Variants in GPC5 observed in about 807,000 individuals in gnomAD.
The protein encoded by GPC5 is glypican-5.
In GPC5, 47 loss-of-function variants were observed where a neutral mutation model predicts 53.9. That is an observed-to-expected ratio of 0.87 (90% confidence interval 0.69 to 1.11). The LOEUF is 1.11. Ranked by LOEUF, GPC5 falls within the 50% of genes most tolerant of loss-of-function variation. The pLI, the probability that GPC5 is intolerant of heterozygous loss-of-function variation, is 0.00. For missense variants in GPC5, 748 were observed against 713.1 expected, an observed-to-expected ratio of 1.05 and a Z score of -0.56; for synonymous variants, 286 against 263.3, an observed-to-expected ratio of 1.09 and a Z score of -0.84.
At chr13:92,372,224 G>A (rs1204783652) in intron 7 of GPC5, among the ~76,000 whole-genome samples, 1 of 152,146 alleles carries the variant, frequency 6.6e-6, no homozygotes, top group African/African-American at 2.4e-5. Context: ...GTTTTAAGAG[G>A]CTAAATTTTT....
At chr13:91,689,099 G>T (rs1489114624) in intron 2 of GPC5, among the ~76,000 whole-genome samples, 2 of 148,606 alleles carry the variant, frequency 1.3e-5, no homozygotes, top group South Asian at 2.1e-4. Flanking sequence ...AGCACAGAAG[G>T]TTTAGGCTAC....
intron 6 of GPC5, among the ~76,000 whole-genome samples, chr13:92,004,217 T>C (rs569821834): frequency 1.1e-4 from 17 of 151,672 alleles, no homozygotes; most frequent in African/African-American, 3.6e-4. Flanking sequence ...GAGGCTGAGG[T>C]AGGTGGATCA....
intron 7 of GPC5, among the ~76,000 whole-genome samples, chr13:92,194,259 G>A (rs2042242724): frequency 6.6e-6 from 1 of 152,140 alleles, no homozygotes; most frequent in South Asian, 2.1e-4. Flanking sequence ...AGTTCATCCT[G>A]TGTGCTTGGG....
intron 7 of GPC5, among the ~76,000 whole-genome samples, chr13:92,811,202 T>C (rs1877287596): frequency 1.3e-5 from 2 of 151,974 alleles, no homozygotes; most frequent in Admixed American, 1.3e-4. Context: ...CATACAAGTA[T>C]TTTGTTTCAT....
chr13:92,161,586 G>A (rs111551662), intron 7 of GPC5, among the ~76,000 whole-genome samples: 1,832 of 152,156 alleles, frequency 0.012, 54 homozygotes, highest in African/African-American at 0.041. Context: ...GATAAGTATA[G>A]TTTTCTTCAA....
intron 7 of GPC5, among the ~76,000 whole-genome samples, chr13:92,197,933 A>G (rs913707919): frequency 1.3e-5 from 2 of 152,092 alleles, no homozygotes; most frequent in African/African-American, 4.8e-5. Flanking sequence ...AGTACATTGC[A>G]GCCATGTGGG....
At chr13:92,444,422 G>A (rs1877707673) in intron 7 of GPC5, among the ~76,000 whole-genome samples, 1 of 152,106 alleles carries the variant, frequency 6.6e-6, no homozygotes, top group African/African-American at 2.4e-5. Context: ...AAATGAGTAA[G>A]ACTCAATTCA....
chr13:91,430,686 CATT>C (rs547481445), intron 1 of GPC5, among the ~76,000 whole-genome samples: 63 of 152,308 alleles, frequency 4.1e-4, no homozygotes, highest in African/African-American at 1.5e-3. Context: ...GGGTAACTAA[CATT>C]ATACTCACTC....
At chr13:91,747,740 TA>T (rs2037083188) in intron 4 of GPC5, among the ~76,000 whole-genome samples, 2 of 152,210 alleles carry the variant, frequency 1.3e-5, no homozygotes, top group Admixed American at 1.3e-4. Flanking sequence ...CTCTTCTATC[TA>T]AAGATTTATT....
At chr13:92,059,830 G>A (rs1051129423) in intron 6 of GPC5, 29 of 152,004 alleles carry the variant, frequency 1.9e-4, no homozygotes, top group Middle Eastern at 3.4e-3. Flanking sequence ...TTTAGGTGAA[G>A]TTCACATAAG....
At chr13:92,726,548 T>C (rs1888654765) in intron 7 of GPC5, among the ~76,000 whole-genome samples, 1 of 151,484 alleles carries the variant, frequency 6.6e-6, no homozygotes, top group African/African-American at 2.4e-5. Context: ...CATGCCACCA[T>C]ACCCAGCCTG....
intron 2 of GPC5, among the ~76,000 whole-genome samples, chr13:91,506,686 T>C (rs1884960881): frequency 6.6e-6 from 1 of 151,722 alleles, no homozygotes; most frequent in African/African-American, 2.4e-5. Context: ...TTAAATGACA[T>C]AGAAAAAATG....
At chr13:91,443,457 T>A (rs142782246) in intron 1 of GPC5, among the ~76,000 whole-genome samples, 163 of 152,288 alleles carry the variant, frequency 1.1e-3, no homozygotes, top group Middle Eastern at 3.4e-3. Context: ...TAAATTTCTG[T>A]TGTTTAAGCT....
chr13:91,786,973 AT>A (rs1168754405), intron 5 of GPC5, among the ~76,000 whole-genome samples: 3 of 150,918 alleles, frequency 2.0e-5, no homozygotes, highest in African/African-American at 7.3e-5. Flanking sequence ...GCTATTGTAA[AT>A]GGTACAATTA....
In GPC5 at chr13:91,693,545, A is replaced by T. The variant is rs771492010; in HGVS notation, c.684A>T (p.Ala228=). The T allele has an allele frequency of 3.1e-6, 5 of 1,614,008 alleles. No individual in the cohort carries two copies. The East Asian group carries it at 1.1e-4, about 36-fold the overall frequency. Reference sequence around the variant, plus strand: ...TGCCCAGCCGCACTTTTCTGCAGGCACTCAATCTGGGCATTGAAGTCATCA... The same window carrying T: ...TGCCCAGCCGCACTTTTCTGCAGGCTCTCAATCTGGGCATTGAAGTCATCA... ...SLLPSRTFLQ[A]LNLGIEVINT... The change falls in exon 3 of 8, where the codon GCA becomes GCT. Residue 228 remains alanine, a synonymous_variant. Transcript: ENST00000377067.
At chr13:92,110,900 A>G (rs1301519127) in intron 6 of GPC5, among the ~76,000 whole-genome samples, 1 of 152,176 alleles carries the variant, frequency 6.6e-6, no homozygotes, top group Non-Finnish European at 1.5e-5. Flanking sequence ...AATCTTTCCT[A>G]AAGAATCATC....
At chr13:91,936,966 G>T (rs1332228385) in intron 6 of GPC5, among the ~76,000 whole-genome samples, 2 of 151,902 alleles carry the variant, frequency 1.3e-5, no homozygotes, top group South Asian at 2.1e-4. Context: ...ACTGCTGACG[G>T]CTTATCTCAT....
At chr13:92,332,844 AT>A (rs1157575729) in intron 7 of GPC5, among the ~76,000 whole-genome samples, 2 of 152,188 alleles carry the variant, frequency 1.3e-5, no homozygotes, top group African/African-American at 4.8e-5. Context: ...TAGAACATTC[AT>A]TAAATTAAAA....
At chr13:91,893,257 T>C (rs2039406722) in intron 5 of GPC5, among the ~76,000 whole-genome samples, 1 of 151,994 alleles carries the variant, frequency 6.6e-6, no homozygotes, top group Admixed American at 6.6e-5. Flanking sequence ...CAGTAAACCA[T>C]AGAAAAAAAT....
Sources: gnomAD v4.1 joint callset for allele counts (sites outside exome capture counted in the v4.1 genomes callset) on GRCh38, gnomAD v4.1.1 for gene constraint, MANE v1.5 for transcripts, NCBI Gene and HGNC (gene_info 2026-07-23, HGNC 2026-07-21) for gene names.